Variants in SLC35F1 observed in about 807,000 individuals in gnomAD.
SLC35F1 encodes the protein solute carrier family 35 member F1, also known as chromosome 6 open reading frame 169.
A neutral mutation model predicts 48.7 loss-of-function variants in SLC35F1; 14 were observed. The observed-to-expected ratio is 0.29, with a 90% CI of 0.19 to 0.45. The LOEUF is 0.45. Ranked by LOEUF, SLC35F1 falls within the 20% of genes least tolerant of loss-of-function variation. The pLI, the probability that SLC35F1 is intolerant of heterozygous loss-of-function variation, is 1.00. For missense variants in SLC35F1, 404 were observed against 500.0 expected (o/e 0.81, Z 1.83); for synonymous variants, 190 against 202.2 (o/e 0.94, Z 0.51).
chr6:117,986,056 G>A (rs1388174084), intron 1 of SLC35F1, among the ~76,000 whole-genome samples: 4 of 152,174 alleles, frequency 2.6e-5, no homozygotes, highest in Non-Finnish European at 5.9e-5. Context: ...AGGCCAGATG[G>A]TCTCTTGTTT....
chr6:118,045,108 T>C (rs1451581175), intron 1 of SLC35F1, among the ~76,000 whole-genome samples: 1 of 152,168 alleles, frequency 6.6e-6, no homozygotes, highest in Non-Finnish European at 1.5e-5. Flanking sequence ...AAAGACAAAA[T>C]ACTAGCTTTT....
At chr6:117,966,153 C>CCCT (rs1562250393) in intron 1 of SLC35F1, among the ~76,000 whole-genome samples, 17 of 134,760 alleles carry the variant, frequency 1.3e-4, no homozygotes, top group African/African-American at 5.0e-4. Context: ...ACTCCCGCCC[C>CCCT]GCCCCAAGCA....
chr6:118,234,623 A>G (rs186583739), intron 2 of SLC35F1, among the ~76,000 whole-genome samples: 1 of 152,326 alleles, frequency 6.6e-6, no homozygotes, highest in Non-Finnish European at 1.5e-5. Context: ...ACTGCGAGAT[A>G]ATCAGTATTT....
chr6:118,305,416 G>A (rs1776301524), intron 7 of SLC35F1, among the ~76,000 whole-genome samples: 1 of 152,018 alleles, frequency 6.6e-6, no homozygotes, highest in African/African-American at 2.4e-5. Flanking sequence ...TAGGTACTGT[G>A]TCCCAGCCAA....
At chr6:118,113,747 T>C (rs545138179) in intron 1 of SLC35F1, among the ~76,000 whole-genome samples, 24 of 152,210 alleles carry the variant, frequency 1.6e-4, no homozygotes, top group Non-Finnish European at 2.8e-4. Flanking sequence ...GGTTCTGTTT[T>C]CAAATATTAG....
At chr6:118,279,906 G>T (rs1401067608) in intron 6 of SLC35F1, among the ~76,000 whole-genome samples, 1 of 152,198 alleles carries the variant, frequency 6.6e-6, no homozygotes, top group Non-Finnish European at 1.5e-5. Context: ...GACAACTCAT[G>T]TGGTTGCCAT....
chr6:117,982,607 CAA>C (rs1174824416), intron 1 of SLC35F1, among the ~76,000 whole-genome samples: 1 of 152,248 alleles, frequency 6.6e-6, no homozygotes, highest in Admixed American at 6.5e-5. Flanking sequence ...TATGGATGGA[CAA>C]AGAGAACCTC....
intron 1 of SLC35F1, among the ~76,000 whole-genome samples, chr6:118,120,293 G>A (rs1773535721): frequency 1.3e-5 from 2 of 152,072 alleles, no homozygotes; most frequent in Admixed American, 6.6e-5. Context: ...ACCCACTTTT[G>A]CATGAATACC....
chr6:117,982,870 T>C (rs760347629), intron 1 of SLC35F1, among the ~76,000 whole-genome samples: 19 of 152,182 alleles, frequency 1.2e-4, no homozygotes, highest in Non-Finnish European at 2.4e-4. Flanking sequence ...ACATAATTAC[T>C]TCTTTTAAAA....
intron 1 of SLC35F1, among the ~76,000 whole-genome samples, chr6:117,931,248 C>A (rs1363548930): frequency 6.6e-6 from 1 of 152,070 alleles, no homozygotes; most frequent in African/African-American, 2.4e-5. Context: ...AAAGAAATAT[C>A]TTTTAAAAAA....
intron 3 of SLC35F1, among the ~76,000 whole-genome samples, chr6:118,253,353 G>T (rs1775600717): frequency 6.6e-6 from 1 of 152,184 alleles, no homozygotes; most frequent in South Asian, 2.1e-4. Flanking sequence ...ACTAAAATGT[G>T]TCTGCTGGGT....
At chr6:118,177,475 A>G (rs149857593) in intron 2 of SLC35F1, among the ~76,000 whole-genome samples, 16 of 152,198 alleles carry the variant, frequency 1.1e-4, no homozygotes, top group African/African-American at 3.4e-4. Flanking sequence ...TACATGGAAT[A>G]GTTGTATGCT....
At chr6:118,240,354 G>A (rs1233203706) in intron 3 of SLC35F1, among the ~76,000 whole-genome samples, 1 of 152,120 alleles carries the variant, frequency 6.6e-6, no homozygotes, top group Non-Finnish European at 1.5e-5. Context: ...ATAAAATGTG[G>A]GTATAACTTT....
chr6:118,021,399 G>A (rs1046038146), intron 1 of SLC35F1, among the ~76,000 whole-genome samples: 1 of 152,122 alleles, frequency 6.6e-6, no homozygotes, highest in African/African-American at 2.4e-5. Context: ...CCAATACAGA[G>A]CATCCTAAGT....
intron 6 of SLC35F1, among the ~76,000 whole-genome samples, chr6:118,279,758 C>T (rs1447936088): frequency 6.6e-6 from 1 of 152,194 alleles, no homozygotes; most frequent in Admixed American, 6.5e-5. Flanking sequence ...GCTCTGATGA[C>T]TATGTCCTGA....
intron 1 of SLC35F1, among the ~76,000 whole-genome samples, chr6:118,042,169 A>G (rs975532158): frequency 5.9e-5 from 9 of 152,254 alleles, no homozygotes; most frequent in South Asian, 2.1e-4. Flanking sequence ...TGGAAACTCA[A>G]TTAGTCACTG....
intron 1 of SLC35F1, among the ~76,000 whole-genome samples, chr6:118,134,220 G>T (rs1773759469): frequency 6.6e-6 from 1 of 152,236 alleles, no homozygotes; most frequent in Non-Finnish European, 1.5e-5. Context: ...TCTGGTGGGT[G>T]TTTGCTAGGC....
At chr6:118,122,583 T>C (rs899614788) in intron 1 of SLC35F1, among the ~76,000 whole-genome samples, 7 of 152,234 alleles carry the variant, frequency 4.6e-5, no homozygotes, top group Non-Finnish European at 1.0e-4. Flanking sequence ...TGTGCGCGTT[T>C]AGTATACTAC....
chr6:118,057,481 A>G (rs563775404), intron 1 of SLC35F1, among the ~76,000 whole-genome samples: 1 of 152,260 alleles, frequency 6.6e-6, no homozygotes, highest in Admixed American at 6.5e-5. Context: ...GATGAGTTGT[A>G]TGGTGAAATT....
Sources: gnomAD v4.1 joint callset for allele counts (sites outside exome capture counted in the v4.1 genomes callset) on GRCh38, gnomAD v4.1.1 for gene constraint, MANE v1.5 for transcripts, NCBI Gene and HGNC (gene_info 2026-07-23, HGNC 2026-07-21) for gene names.